The following SKAP1 variants were observed in gnomAD, a reference collection of about 807,000 sequenced individuals.
The protein encoded by SKAP1 is src kinase associated phosphoprotein 1.
SKAP1 carries 44 observed loss-of-function variants against 58.5 expected under a neutral mutation model. The ratio of observed to expected loss-of-function variants is 0.75; its 90% CI spans 0.59 to 0.97. The LOEUF (loss-of-function observed/expected upper bound fraction) is 0.97. Ranked by LOEUF, SKAP1 falls within the 50% of genes least tolerant of loss-of-function variation. The pLI, the probability that SKAP1 is intolerant of heterozygous loss-of-function variation, is 0.00. For synonymous variants in SKAP1, 127 were observed against 149.7 expected, an observed-to-expected ratio of 0.85 and a Z score of 1.11; for missense variants, 390 against 435.2, an observed-to-expected ratio of 0.90 and a Z score of 0.92.
chr17:48,239,246 C>A, intron 4 of SKAP1, among the ~76,000 whole-genome samples: 1 of 152,186 alleles, frequency 6.6e-6, no homozygotes, highest in Admixed American at 6.5e-5. Flanking sequence ...GAAAGAATTT[C>A]GACTTGACAA....
intron 4 of SKAP1, among the ~76,000 whole-genome samples, chr17:48,279,732 A>G (rs2065744561): frequency 6.6e-6 from 1 of 151,970 alleles, no homozygotes; most frequent in Non-Finnish European, 1.5e-5. Flanking sequence ...ATTTCATTCC[A>G]CTCTCTTAGC....
chr17:48,249,593 G>A (rs2065338415), intron 4 of SKAP1, among the ~76,000 whole-genome samples: 1 of 151,870 alleles, frequency 6.6e-6, no homozygotes, highest in Non-Finnish European at 1.5e-5. Flanking sequence ...AGAATCATCT[G>A]AACCCCGGAA....
intron 3 of SKAP1, among the ~76,000 whole-genome samples, chr17:48,357,829 C>T (rs1355056029): frequency 1.3e-5 from 2 of 152,046 alleles, no homozygotes; most frequent in Non-Finnish European, 2.9e-5. Context: ...GTGTGTGTGT[C>T]CACTTGCTAC....
intron 4 of SKAP1, among the ~76,000 whole-genome samples, chr17:48,301,704 T>C (rs2066059623): frequency 6.6e-6 from 1 of 152,210 alleles, no homozygotes; most frequent in African/African-American, 2.4e-5. Context: ...CTTGAACTCC[T>C]GACCTCAGCT....
At chr17:48,234,626 T>G (rs1598453080) in intron 4 of SKAP1, among the ~76,000 whole-genome samples, 1 of 152,318 alleles carries the variant, frequency 6.6e-6, no homozygotes, top group African/African-American at 2.4e-5. Flanking sequence ...CTGGAAACCT[T>G]TATTCAGCAT....
chr17:48,248,578 C>G (rs1429237480), intron 4 of SKAP1, among the ~76,000 whole-genome samples: 2 of 152,052 alleles, frequency 1.3e-5, no homozygotes, highest in Admixed American at 1.3e-4. Context: ...AAAAAGAAAA[C>G]AGAAACAAAC....
chr17:48,194,163 G>A (rs1352472153), intron 4 of SKAP1, among the ~76,000 whole-genome samples: 3 of 152,146 alleles, frequency 2.0e-5, no homozygotes, highest in African/African-American at 7.2e-5. Context: ...CTTAGCTGAA[G>A]GATATGGGGC....
intron 4 of SKAP1, among the ~76,000 whole-genome samples, chr17:48,340,249 C>T (rs2066633149): frequency 6.6e-6 from 1 of 151,996 alleles, no homozygotes; most frequent in Non-Finnish European, 1.5e-5. Context: ...GCGAAACTAA[C>T]TTAATAAGTG....
intron 11 of SKAP1, among the ~76,000 whole-genome samples, chr17:48,160,947 T>C (rs909429768): frequency 1.2e-4 from 18 of 152,198 alleles, no homozygotes; most frequent in Non-Finnish European, 2.2e-4. Flanking sequence ...ATTCTTGGTG[T>C]GTATTGGAGC....
intron 2 of SKAP1, among the ~76,000 whole-genome samples, chr17:48,387,056 T>C (rs1038336708): frequency 6.6e-6 from 1 of 152,212 alleles, no homozygotes; most frequent in African/African-American, 2.4e-5. Flanking sequence ...ACCTGCTCCA[T>C]TTATGCAAAA....
chr17:48,143,128 C>T (rs987746955), intron 11 of SKAP1, among the ~76,000 whole-genome samples: 3 of 151,310 alleles, frequency 2.0e-5, no homozygotes, highest in African/African-American at 7.3e-5. Flanking sequence ...CCTCCCTCTC[C>T]CAGGCCAGCT....
chr17:48,324,587 A>G (rs2066408366), intron 4 of SKAP1, among the ~76,000 whole-genome samples: 3 of 152,028 alleles, frequency 2.0e-5, no homozygotes, highest in Admixed American at 2.0e-4. Flanking sequence ...ACATCTTTCC[A>G]TAGTCATTAT....
chr17:48,211,478 C>G (rs891420991), intron 4 of SKAP1, among the ~76,000 whole-genome samples: 1 of 152,140 alleles, frequency 6.6e-6, no homozygotes, highest in Non-Finnish European at 1.5e-5. Context: ...GAGGGACAAC[C>G]AGGACAAAAC....
At chr17:48,275,853 AAG>A (rs1352111851) in intron 4 of SKAP1, among the ~76,000 whole-genome samples, 1 of 152,238 alleles carries the variant, frequency 6.6e-6, no homozygotes, top group Non-Finnish European at 1.5e-5. Flanking sequence ...CCATTTGGTC[AAG>A]CCTAAATCAT....
At chr17:48,175,051 A>G (rs939480556) in intron 9 of SKAP1, among the ~76,000 whole-genome samples, 1 of 152,184 alleles carries the variant, frequency 6.6e-6, no homozygotes, top group African/African-American at 2.4e-5. Context: ...GCACAATGTC[A>G]GGGACACTAA....
chr17:48,145,432 C>A (rs2143076876), intron 11 of SKAP1, among the ~76,000 whole-genome samples: 1 of 151,712 alleles, frequency 6.6e-6, no homozygotes, highest in Non-Finnish European at 1.5e-5. Flanking sequence ...AAAAAAAAAC[C>A]CTACCAAACC....
chr17:48,342,167 T>G (rs2066661952), intron 4 of SKAP1, among the ~76,000 whole-genome samples: 1 of 152,216 alleles, frequency 6.6e-6, no homozygotes, highest in South Asian at 2.1e-4. Context: ...TACTACATTT[T>G]TTTCCTTCCA....
At chr17:48,315,700 C>T (rs1185628992) in intron 4 of SKAP1, among the ~76,000 whole-genome samples, 1 of 152,154 alleles carries the variant, frequency 6.6e-6, no homozygotes, top group Non-Finnish European at 1.5e-5. Flanking sequence ...ATTCAAAATG[C>T]TCCAAAACCT....
chr17:48,363,306 T>G (rs544621880), intron 3 of SKAP1, among the ~76,000 whole-genome samples: 1 of 152,322 alleles, frequency 6.6e-6, no homozygotes, highest in South Asian at 2.1e-4. Context: ...AACACTGTTC[T>G]AGTGGGAATT....
Sources: gnomAD v4.1 joint callset for allele counts (sites outside exome capture counted in the v4.1 genomes callset) on GRCh38, gnomAD v4.1.1 for gene constraint, MANE v1.5 for transcripts, NCBI Gene and HGNC (gene_info 2026-07-23, HGNC 2026-07-21) for gene names.